The following METTL23 variants were observed in gnomAD, a reference collection of about 807,000 sequenced individuals.
METTL23 encodes the protein histone-arginine methyltransferase METTL23.
In METTL23, 24 loss-of-function variants were observed where a neutral mutation model predicts 21.2. The observed-to-expected ratio is 1.13, with a 90% CI of 0.82 to 1.59. The LOEUF (loss-of-function observed/expected upper bound fraction) is 1.59, where lower values mean the gene tolerates loss of function less well. Among genes scored for constraint, METTL23 ranks in the 40% most tolerant of loss-of-function variants. METTL23 has a pLI of 0.00. For missense variants in METTL23, 276 were observed against 221.4 expected (o/e 1.25, Z -1.57); for synonymous variants, 97 against 75.2 (o/e 1.29, Z -1.50).
intron 2 of METTL23, 28 bp from the exon 3 acceptor site, chr17:76,732,950 T>C: frequency 6.6e-7 from 1 of 1,520,240 alleles, no homozygotes; most frequent in African/African-American, 1.4e-5. Context: ...AGTATAATTG[T>C]GAAATGCCAT....
intron 1 of METTL23, among the ~76,000 whole-genome samples, chr17:76,729,203 G>A (rs1021596029): frequency 3.3e-5 from 5 of 151,608 alleles, no homozygotes; most frequent in South Asian, 2.1e-4. Flanking sequence ...CGATTTTCCC[G>A]CCTCAGCTGG....
In METTL23 at chr17:76,733,850, G is replaced by A; in HGVS notation, c.*164G>A. On this transcript the variant is annotated 3_prime_UTR_variant, in exon 5 of 5. Transcript: ENST00000341249. ...ACCTAGACAACACTTAAACTCATAT[G>A]AAACAAAAATTAAAATACGTATTAC... is the stretch of plus-strand genomic sequence containing the variant. The A allele has an allele frequency of 2.0e-6, 1 of 509,616 alleles. No homozygotes were observed. Among genetic ancestry groups the A allele is most frequent in the Non-Finnish European group, 3.3e-6 (1 of 298,522 alleles). 31.6% of individuals were successfully genotyped at this position (509,616 alleles called of 1,614,324 possible). A position where few individuals can be genotyped will look rare whatever the true frequency, so the allele number is the denominator to read the frequency against.
Position 76,733,710 on chromosome 17 carries a change from G to GT in METTL23, c.*24_*25insT. 6.2e-7 allele frequency: 1 copy of GT among 1,603,382 alleles called. No homozygotes were observed. Among genetic ancestry groups the GT allele is most frequent in the Non-Finnish European group, 8.5e-7 (1 of 1,174,884 alleles). Reference sequence around the variant, plus strand: ...GAATTATACCTACAACCTGTTCTGGGACAGTATCAATACTGATGAGCAACC... The same window carrying GT: ...GAATTATACCTACAACCTGTTCTGGGTACAGTATCAATACTGATGAGCAACC... On this transcript the variant is annotated 3_prime_UTR_variant, in exon 5 of 5. Transcript: ENST00000341249.
chr17:76,733,069 TG>T lies in METTL23; in HGVS notation c.178del (p.Glu60LysfsTer9), dbSNP rs1382444181. The T allele has an allele frequency of 1.9e-6, 3 of 1,608,218 alleles. No individual in the cohort carries two copies. The highest frequency in any genetic ancestry group is 2.7e-5 in the African/African-American group (2 of 74,884). ...GACAGCTCAGAACTGCCTCACTGTC[TG>T]GAAGTCTGTCGGCAAAGCTGCCAAA... is the stretch of plus-strand genomic sequence containing the variant. Reference protein sequence around the residue: ...LSDSSELPHCLEVCRQSCQMN... With the variant: ...LSDSSELPHCXEVCRQSCQMN... On this transcript the variant is annotated frameshift_variant, in exon 3 of 5. Transcript: ENST00000341249. LOFTEE classifies it high-confidence loss of function.
chr17:76,730,243 C>T (rs953693218), intron 2 of METTL23, among the ~76,000 whole-genome samples: 3 of 151,428 alleles, frequency 2.0e-5, no homozygotes, highest in South Asian at 2.1e-4. Context: ...GAGCAAAGAT[C>T]GCACCATTGC....
Position 76,733,731 on chromosome 17 carries a change from C to T in METTL23, c.*45C>T. 2 of 1,532,172 alleles carry T rather than the reference C, an allele frequency of 1.3e-6. No homozygotes were observed. Among genetic ancestry groups the T allele is most frequent in the Non-Finnish European group, 1.8e-6 (2 of 1,130,174 alleles). 94.9% of individuals were successfully genotyped at this position (1,532,172 alleles called of 1,614,324 possible). A position where few individuals can be genotyped will look rare whatever the true frequency, so the allele number is the denominator to read the frequency against. On this transcript the variant is annotated 3_prime_UTR_variant, in exon 5 of 5. Coordinates refer to ENST00000341249, the MANE Select transcript of METTL23 (RefSeq NM_001080510.5). Reference sequence around the variant, plus strand: ...CTGGGACAGTATCAATACTGATGAGCAACCTGGCACACAAACTATGAGCAG... The same window carrying T: ...CTGGGACAGTATCAATACTGATGAGTAACCTGGCACACAAACTATGAGCAG...
At chr17:76,732,161 C>T (rs2077236146) in intron 2 of METTL23, among the ~76,000 whole-genome samples, 1 of 146,584 alleles carries the variant, frequency 6.8e-6, no homozygotes, top group Non-Finnish European at 1.5e-5. Flanking sequence ...AGTTCAAGAC[C>T]AGCCTGGCCA....
Position 76,733,813 on chromosome 17 carries a change from G to C in METTL23, c.*127G>C. ...AAGATGGTCAAGTCTGTTTGCCTTAGATTTTGATGTCACCTAGACAACACT... is the reference window on the plus strand; with the variant it reads ...AAGATGGTCAAGTCTGTTTGCCTTACATTTTGATGTCACCTAGACAACACT... On this transcript the variant is annotated 3_prime_UTR_variant, in exon 5 of 5. Coordinates refer to ENST00000341249, the MANE Select transcript of METTL23 (RefSeq NM_001080510.5). 1.3e-6 allele frequency: 1 copy of C among 740,814 alleles called. No individual in the cohort carries two copies. The highest frequency in any genetic ancestry group is 2.1e-6 in the Non-Finnish European group (1 of 477,168). 45.9% of individuals were successfully genotyped at this position (740,814 alleles called of 1,614,324 possible). A position where few individuals can be genotyped will look rare whatever the true frequency, so the allele number is the denominator to read the frequency against.
chr17:76,730,989 C>T (rs1034070064), intron 2 of METTL23, among the ~76,000 whole-genome samples: 3 of 152,228 alleles, frequency 2.0e-5, no homozygotes, highest in Non-Finnish European at 4.4e-5. Flanking sequence ...CCTGTAGTCC[C>T]AGCTACTCGG....
intron 2 of METTL23, among the ~76,000 whole-genome samples, chr17:76,730,933 C>G (rs2143830313): frequency 6.6e-6 from 1 of 152,316 alleles, no homozygotes; most frequent in Middle Eastern, 3.4e-3. Context: ...GAAACCCCGT[C>G]TCTACTAAAA....
intron 1 of METTL23, among the ~76,000 whole-genome samples, chr17:76,727,522 T>G (rs1330631808): frequency 6.6e-6 from 1 of 152,188 alleles, no homozygotes; most frequent in African/African-American, 2.4e-5. Flanking sequence ...ATCGAATCTT[T>G]CCTGCCAGGA....
upstream of METTL23, chr17:76,726,558 G>T: frequency 6.7e-7 from 1 of 1,484,506 alleles, no homozygotes; most frequent in Non-Finnish European, 8.9e-7. Flanking sequence ...CGGCCTGGGC[G>T]GCGGCGACGG....
intron 1 of METTL23, among the ~76,000 whole-genome samples, 154 bp from the exon 2 acceptor site, chr17:76,729,536 T>C (rs768810939): frequency 2.6e-5 from 4 of 152,344 alleles, no homozygotes; most frequent in East Asian, 1.9e-4. Context: ...TTCTATCACA[T>C]TGCATTGCAG....
chr17:76,728,416 T>TTTTTTTTTTTTTG (rs2077051752), intron 1 of METTL23, among the ~76,000 whole-genome samples: 2 of 5,188 alleles, frequency 3.9e-4, no homozygotes, highest in African/African-American at 7.0e-4. Context: ...TCACGGATTT[T>TTTTTTTTTTTTTG]TTTTTTTTTT....
At chr17:76,730,260 G>A (rs2077145987) in intron 2 of METTL23, among the ~76,000 whole-genome samples, 1 of 151,278 alleles carries the variant, frequency 6.6e-6, no homozygotes, top group African/African-American at 2.4e-5. Flanking sequence ...TTGCCCTCCA[G>A]CCTGGGCAAC....
At chr17:76,731,101 C>T (rs1043608334) in intron 2 of METTL23, among the ~76,000 whole-genome samples, 1 of 150,306 alleles carries the variant, frequency 6.7e-6, no homozygotes, top group African/African-American at 2.5e-5. Context: ...AGCGAGACTC[C>T]ATCTCAAAAA....
chr17:76,727,620 GT>G (rs1315553446), intron 1 of METTL23, among the ~76,000 whole-genome samples: 1 of 152,262 alleles, frequency 6.6e-6, no homozygotes, highest in Non-Finnish European at 1.5e-5. Flanking sequence ...TTTTGTGTGA[GT>G]TTTGGGATCA....
chr17:76,732,483 A>C (rs2077255304), intron 2 of METTL23, among the ~76,000 whole-genome samples: 1 of 150,698 alleles, frequency 6.6e-6, no homozygotes, highest in African/African-American at 2.5e-5. Flanking sequence ...GAGCAACAAG[A>C]GCCAAACGCT....
chr17:76,726,813 C>G (rs1369089304), upstream of METTL23: 2 of 395,978 alleles, frequency 5.1e-6, no homozygotes, highest in Non-Finnish European at 4.9e-6. Flanking sequence ...CCGCCCCTCC[C>G]CTCCCGCGCT....
Sources: allele counts gnomAD v4.1 joint callset (sites outside exome capture counted in the v4.1 genomes callset), GRCh38; gene constraint gnomAD v4.1.1; transcripts MANE v1.5; gene names NCBI Gene and HGNC (gene_info 2026-07-23, HGNC 2026-07-21).